The following MID2 variants were observed in gnomAD, a reference collection of about 807,000 sequenced individuals.
The protein encoded by MID2 is midline 2.
MID2 carries 13 observed loss-of-function variants against 46.1 expected under a neutral mutation model. The ratio of observed to expected loss-of-function variants is 0.28; its 90% CI spans 0.18 to 0.45. The LOEUF is 0.45. Among genes scored for constraint, MID2 ranks in the 20% least tolerant of loss-of-function variants. The pLI, the probability that MID2 is intolerant of heterozygous loss-of-function variation, is 1.00. For missense variants in MID2, 431 were observed against 575.4 expected, an observed-to-expected ratio of 0.75 and a Z score of 2.57; for synonymous variants, 199 against 212.3, an observed-to-expected ratio of 0.94 and a Z score of 0.55.
intron 7 of MID2, among the ~76,000 whole-genome samples, chrX:107,919,672 A>G (rs1234979084): frequency 8.9e-6 from 1 of 111,814 alleles, no homozygotes; most frequent in Non-Finnish European, 1.9e-5. Flanking sequence ...TGTTCTGTCA[A>G]TGAAGTGAAT....
intron 3 of MID2, among the ~76,000 whole-genome samples, chrX:107,887,968 A>G (rs912133714): frequency 3.9e-4 from 43 of 111,139 alleles, no homozygotes; most frequent in Non-Finnish European, 6.4e-4. Context: ...ATCGGTGGTG[A>G]TATCTCCTTT....
rs1456261662 is a variant in MID2, at chrX:107,927,228, G to A, written c.*155G>A. 2.1e-5 allele frequency: 9 copies of A among 433,176 alleles called. No individual in the cohort carries two copies. In the Admixed American group the frequency reaches 4.5e-4, roughly 22 times the overall value. The allele number at this position is 433,176 out of a possible 1,213,427, so 35.7% of individuals were successfully genotyped here. A position where few individuals can be genotyped will look rare whatever the true frequency, so the allele number is the denominator to read the frequency against. ...GCAGATTTAATTTTTGTGCATTAAA[G>A]CTTGTATTTGAATTAATTTATTGAG... On this transcript the variant is annotated 3_prime_UTR_variant, in exon 10 of 10. Transcript: ENST00000262843.
intron 7 of MID2, among the ~76,000 whole-genome samples, chrX:107,922,716 A>G (rs1344797210): frequency 8.9e-6 from 1 of 111,982 alleles, no homozygotes; most frequent in African/African-American, 3.2e-5. Context: ...TACTGCATAT[A>G]TACTACATAT....
intron 3 of MID2, among the ~76,000 whole-genome samples, chrX:107,898,967 T>C (rs12842315): frequency 0.13 from 14,843 of 110,297 alleles, 871 homozygotes; most frequent in Middle Eastern, 0.3. Flanking sequence ...TACTATTTCA[T>C]ATATCTTGTT....
At chrX:107,864,283 T>G (rs1295412337) in intron 3 of MID2, among the ~76,000 whole-genome samples, 1 of 112,223 alleles carries the variant, frequency 8.9e-6, no homozygotes, top group Non-Finnish European at 1.9e-5. Flanking sequence ...GCCTCTTATG[T>G]ACTCCTGCCA....
chrX:107,909,608 G>C (rs1932867681), intron 5 of MID2, among the ~76,000 whole-genome samples: 1 of 111,797 alleles, frequency 8.9e-6, no homozygotes, highest in Non-Finnish European at 1.9e-5. Context: ...TCCCCTTCCT[G>C]TACCACTTGA....
At chrX:107,877,609 C>T (rs1932228010) in intron 3 of MID2, among the ~76,000 whole-genome samples, 1 of 111,924 alleles carries the variant, frequency 8.9e-6, no homozygotes, top group Non-Finnish European at 1.9e-5. Flanking sequence ...ACAAGGAGGG[C>T]CTAGAGAATA....
rs201343331 is a variant in MID2 at position 107,841,361 on chromosome X, G to C, written c.696G>C (p.Leu232=). ...GRHRDHQVAS[L]NDRFEKLKQT... ...ACCGAGACCATCAGGTCGCATCCCT[G>C]AATGATCGATTTGAGAAACTCAAGG... Residue 232 remains leucine (L), a synonymous_variant, in exon 2 of 10, where the codon CTG becomes CTC. Coordinates refer to ENST00000262843, the MANE Select transcript of MID2 (RefSeq NM_012216.4). 8.4e-7 allele frequency: 1 copy of C among 1,195,280 alleles called. No individual in the cohort carries two copies.
At chrX:107,855,571 A>G (rs780201734) in intron 3 of MID2, among the ~76,000 whole-genome samples, 1 of 112,038 alleles carries the variant, frequency 8.9e-6, no homozygotes, top group Non-Finnish European at 1.9e-5. Flanking sequence ...GTCTGGTTCT[A>G]ATCTTACTTG....
intron 3 of MID2, among the ~76,000 whole-genome samples, chrX:107,859,945 T>A (rs1931822192): frequency 9.0e-6 from 1 of 111,457 alleles, no homozygotes; most frequent in Non-Finnish European, 1.9e-5. Context: ...CATGTATAGG[T>A]GTTTAGACTT....
At chrX:107,914,553 C>T (rs759366465) in intron 5 of MID2, among the ~76,000 whole-genome samples, 57 of 112,078 alleles carry the variant, frequency 5.1e-4, no homozygotes, top group African/African-American at 1.6e-3. Context: ...ACAACTAGTT[C>T]ACCATAAAAG....
intron 3 of MID2, among the ~76,000 whole-genome samples, chrX:107,870,329 A>G (rs1026193388): frequency 9.1e-5 from 10 of 109,560 alleles, no homozygotes; most frequent in Non-Finnish European, 1.5e-4. Flanking sequence ...ATTATACTAG[A>G]TCTAGTAAAT....
At chrX:107,907,494 G>C (rs900097059) in intron 5 of MID2, among the ~76,000 whole-genome samples, 1 of 111,761 alleles carries the variant, frequency 8.9e-6, no homozygotes, top group African/African-American at 3.3e-5. Flanking sequence ...GATTAAAATG[G>C]AAGAGATGTC....
upstream of MID2, chrX:107,825,741 C>G (rs904262900): frequency 1.3e-5 from 2 of 148,542 alleles, no homozygotes; most frequent in African/African-American, 6.3e-5. Flanking sequence ...CCGGGTCCCT[C>G]TCGGTGTGTC....
intron 2 of MID2, among the ~76,000 whole-genome samples, chrX:107,848,941 G>A (rs1931549098): frequency 8.9e-6 from 1 of 112,183 alleles, no homozygotes; most frequent in Non-Finnish European, 1.9e-5. Flanking sequence ...TGTCAAAAAA[G>A]AGCATGTCAA....
In MID2 at chrX:107,931,519, T is replaced by C. The variant is rs3813784; in HGVS notation, c.*4446T>C. 5.0e-3 allele frequency among the ~76,000 whole-genome samples: 560 copies of C among 112,100 alleles called. 14 individuals are homozygous for C. The East Asian group carries it at 0.068, about 14-fold the overall frequency. On this transcript the variant is annotated 3_prime_UTR_variant, in exon 10 of 10. Coordinates refer to ENST00000262843, the MANE Select transcript of MID2 (RefSeq NM_012216.4). ...TTGGGAGCTCTGGACCAATAGTGTC[T>C]CTCCTAGTGACAGAAATATGAGCAT...
Position 107,841,218 on chromosome X carries a change from G to A in MID2, c.553G>A (p.Val185Met), listed in dbSNP as rs368312397. ...CACCAGCCACCGCCTGGTGGAACCA[G>A]TGCCAGACACACATCTTCGAGGGAT... ...PFTSHRLVEP[V>M]PDTHLRGITC... The change falls in exon 2 of 10, where the codon GTG (valine) becomes ATG (methionine). Residue 185 changes from valine (V) to methionine (M), a missense_variant. Coordinates refer to ENST00000262843, the MANE Select transcript of MID2 (RefSeq NM_012216.4). The A allele has an allele frequency of 4.1e-6, 5 of 1,209,829 alleles. No individual in the cohort carries two copies. In the African/African-American group the frequency reaches 8.8e-5, roughly 21 times the overall value.
intron 3 of MID2, among the ~76,000 whole-genome samples, chrX:107,863,376 A>G (rs1931897119): frequency 8.9e-6 from 1 of 111,914 alleles, no homozygotes; most frequent in Admixed American, 9.5e-5. Flanking sequence ...TCATGTCTTC[A>G]TAGCCGAAAC....
Position 107,841,085 on chromosome X carries a change from A to G in MID2, c.420A>G (p.Gln140=). Residue 140 remains glutamine (Q), a synonymous_variant, in exon 2 of 10, where the codon CAA becomes CAG. Transcript: ENST00000262843. The part of the protein sequence containing the change: ...TAMSSERIAC[Q]FCEQDPPRDA... ...TGTCTAGCGAGCGAATTGCTTGCCA[A>G]TTCTGTGAGCAGGACCCGCCAAGGG... The G allele has an allele frequency of 4.1e-6, 5 of 1,211,290 alleles. No homozygotes were observed. Among genetic ancestry groups the G allele is most frequent in the Non-Finnish European group, 5.6e-6 (5 of 895,416 alleles).
Sources: gnomAD v4.1 joint callset for allele counts (sites outside exome capture counted in the v4.1 genomes callset) on GRCh38, gnomAD v4.1.1 for gene constraint, MANE v1.5 for transcripts, NCBI Gene and HGNC (gene_info 2026-07-23, HGNC 2026-07-21) for gene names.